Variants in ZNF362 observed in about 807,000 individuals in gnomAD.
ZNF362 encodes the protein rotund homolog.
Under a neutral mutation model 42.9 loss-of-function variants are expected in ZNF362, and 11 were observed. The observed-to-expected ratio is 0.26, with a 90% CI of 0.16 to 0.42. The LOEUF (loss-of-function observed/expected upper bound fraction) is 0.42. Among genes scored for constraint, ZNF362 ranks in the 20% least tolerant of loss-of-function variants. The probability of loss-of-function intolerance (pLI) is 1.00; values close to 1 mark genes in which losing one functional copy is unlikely to be tolerated. For synonymous variants in ZNF362, 255 were observed against 257.3 expected, an observed-to-expected ratio of 0.99 and a Z score of 0.09; for missense variants, 362 against 576.2, an observed-to-expected ratio of 0.63 and a Z score of 3.81.
chr1:33,182,762 C>T, the ZNF362 span, among the ~76,000 whole-genome samples: 1,388 of 150,230 alleles, frequency 9.2e-3, 6 homozygotes, highest in Non-Finnish European at 0.014. Context: ...AGCATAGAGG[C>T]GTGAAAGGGG....
At chr1:33,278,895 A>G (rs1321234524) in intron 4 of ZNF362, among the ~76,000 whole-genome samples, 1 of 152,178 alleles carries the variant, frequency 6.6e-6, no homozygotes, top group Non-Finnish European at 1.5e-5. Context: ...GTTGTGTCCA[A>G]TTTTGTCTGA....
chr1:33,137,320 C>T, the ZNF362 span, among the ~76,000 whole-genome samples: 2 of 152,058 alleles, frequency 1.3e-5, no homozygotes, highest in East Asian at 1.9e-4. Context: ...GTGTTCTTAT[C>T]AGTAAAAAGA....
intron 4 of ZNF362, among the ~76,000 whole-genome samples, chr1:33,277,622 C>T (rs567729460): frequency 6.6e-5 from 10 of 152,082 alleles, no homozygotes; most frequent in Admixed American, 3.3e-4. Context: ...TGGGCAATGC[C>T]GTGGTAGTGG....
the ZNF362 span, among the ~76,000 whole-genome samples, chr1:33,199,239 C>G: frequency 6.6e-6 from 1 of 152,036 alleles, no homozygotes; most frequent in Non-Finnish European, 1.5e-5. Flanking sequence ...AATCAAATTG[C>G]TCAAAACAAG....
chr1:33,236,550 A>ATATATATATATATAT, the ZNF362 span, among the ~76,000 whole-genome samples: 11 of 5,978 alleles, frequency 1.8e-3, no homozygotes, highest in Non-Finnish European at 2.6e-3. Flanking sequence ...AAAAAAAAAA[A>ATATATATATATATAT]ATATATATAT....
the ZNF362 span, among the ~76,000 whole-genome samples, chr1:33,169,614 G>GCT: frequency 6.6e-6 from 1 of 152,294 alleles, no homozygotes; most frequent in South Asian, 2.1e-4. Flanking sequence ...GACATTCAAG[G>GCT]CTCTACTGCT....
At chr1:33,251,442 G>A in the ZNF362 span, among the ~76,000 whole-genome samples, 2 of 152,120 alleles carry the variant, frequency 1.3e-5, no homozygotes, top group Non-Finnish European at 2.9e-5. Flanking sequence ...GACTCTGAAA[G>A]TCTCCTCACT....
chr1:33,148,974 G>GC, the ZNF362 span, among the ~76,000 whole-genome samples: 1 of 152,066 alleles, frequency 6.6e-6, no homozygotes, highest in Non-Finnish European at 1.5e-5. Flanking sequence ...TCTCACTTCT[G>GC]CCCCCTACCC....
At chr1:33,183,478 C>T in the ZNF362 span, among the ~76,000 whole-genome samples, 4 of 152,168 alleles carry the variant, frequency 2.6e-5, no homozygotes, top group Non-Finnish European at 5.9e-5. Flanking sequence ...TCAGGTGGCC[C>T]CCTTCCCCAA....
At chr1:33,181,141 TGTC>T in the ZNF362 span, 3 of 1,600,614 alleles carry the variant, frequency 1.9e-6, no homozygotes, top group Admixed American at 1.7e-5. This position sits in a 1 kb window ranked among gnomAD's most constrained non-coding sequence, Gnocchi z 6.5. Flanking sequence ...AGCTTGACCT[TGTC>T]GTGCGCCTGG....
At chr1:33,160,074 A>G in the ZNF362 span, 4 of 1,179,556 alleles carry the variant, frequency 3.4e-6, no homozygotes, top group Non-Finnish European at 4.7e-6. Context: ...GGTGGGGGAA[A>G]TGTCACATGC....
the ZNF362 span, chr1:33,182,053 C>G: frequency 6.6e-6 from 1 of 152,214 alleles, no homozygotes; most frequent in African/African-American, 2.4e-5. Context: ...CGGAACCAGC[C>G]GAATCCGAGC....
chr1:33,266,454 G>A lies in ZNF362; in HGVS notation c.-88-4033G>A, dbSNP rs1316398921. Among the ~76,000 whole-genome samples, 1 of 152,204 alleles carries A rather than the reference G, an allele frequency of 6.6e-6. No homozygotes were observed. Among genetic ancestry groups the A allele is most frequent in the Non-Finnish European group, 1.5e-5 (1 of 68,036 alleles). On this transcript the variant is annotated intron_variant, in intron 1 of 8. Transcript: ENST00000539719. The surrounding 1 kb of genome is among the most constrained non-coding windows in gnomAD (Gnocchi z 4.3). ...AGGTGCATGGTATTAATACAAAGGT[G>A]GGGTAGGGAGAAGGCAGGGGACCAT...
At chr1:33,167,892 G>C in the ZNF362 span, among the ~76,000 whole-genome samples, 185 of 152,258 alleles carry the variant, frequency 1.2e-3, 2 homozygotes, top group African/African-American at 4.2e-3. This position sits in a 1 kb window ranked among gnomAD's most constrained non-coding sequence, Gnocchi z 4.2. Context: ...ACATTTCTTG[G>C]GCAACTATTA....
rs150139522 is a variant in ZNF362, at chr1:33,266,396, C to T, written c.-88-4091C>T. Reference sequence around the variant, plus strand: ...CTGGGCTCTGGGGCTGCAGCAGTGACGGCTGATGGGGAGACAGGCCTAAAG... The same window carrying T: ...CTGGGCTCTGGGGCTGCAGCAGTGATGGCTGATGGGGAGACAGGCCTAAAG... On this transcript the variant is annotated intron_variant, in intron 1 of 8. Coordinates refer to ENST00000539719, the MANE Select transcript of ZNF362 (RefSeq NM_152493.3). This position sits in a 1 kb window ranked among gnomAD's most constrained non-coding sequence, Gnocchi z 4.3. Among the ~76,000 whole-genome samples, 662 of 152,286 alleles carry T rather than the reference C, an allele frequency of 4.3e-3. 4 individuals carry two copies. Among genetic ancestry groups the T allele is most frequent in the African/African-American group, 0.015 (618 of 41,558 alleles).
intron 8 of ZNF362, among the ~76,000 whole-genome samples, chr1:33,297,804 G>A (rs575242626): frequency 1.3e-4 from 20 of 152,262 alleles, no homozygotes; most frequent in South Asian, 6.2e-4. Flanking sequence ...ATGAGCCACC[G>A]TGCCCAGCCT....
intron 6 of ZNF362, among the ~76,000 whole-genome samples, chr1:33,282,445 A>C (rs919212924): frequency 6.6e-6 from 1 of 152,260 alleles, no homozygotes; most frequent in African/African-American, 2.4e-5. Context: ...GCAAGGAAGA[A>C]AACAGACGAA....
the ZNF362 span, among the ~76,000 whole-genome samples, chr1:33,185,041 A>G: frequency 6.6e-6 from 1 of 152,042 alleles, no homozygotes; most frequent in Non-Finnish European, 1.5e-5. Flanking sequence ...TCTGCCTCCC[A>G]AAGTGCTGGG....
the ZNF362 span, among the ~76,000 whole-genome samples, chr1:33,202,552 T>A: frequency 2.7e-3 from 406 of 149,670 alleles, no homozygotes; most frequent in Non-Finnish European, 4.6e-3. Flanking sequence ...GAGCCGAGAT[T>A]GCGCCACTGC....
Sources: gnomAD v4.1 joint callset for allele counts (sites outside exome capture counted in the v4.1 genomes callset) on GRCh38, gnomAD v4.1.1 for gene constraint, Gnocchi (gnomAD v3.1) non-coding constraint, MANE v1.5 for transcripts, NCBI Gene and HGNC (gene_info 2026-07-23, HGNC 2026-07-21) for gene names.